Variants in CPAMD8 observed in about 807,000 individuals in gnomAD.
CPAMD8 encodes C3 and PZP-like alpha-2-macroglobulin domain-containing protein 8.
In CPAMD8, 146 loss-of-function variants were observed where a neutral mutation model predicts 224.7. That is an observed-to-expected ratio of 0.65 (90% CI 0.57 to 0.75). The LOEUF (loss-of-function observed/expected upper bound fraction) is 0.75, where lower values mean the gene tolerates loss of function less well. Ranked by LOEUF, CPAMD8 falls within the 30% of genes least tolerant of loss-of-function variation. CPAMD8 has a pLI of 0.00. For missense variants in CPAMD8, 2,301 were observed against 2,537.5 expected, an observed-to-expected ratio of 0.91 and a Z score of 2.00; for synonymous variants, 966 against 1,044.6, an observed-to-expected ratio of 0.92 and a Z score of 1.45.
chr19:16,973,253 G>A (rs1261200916), intron 17 of CPAMD8, among the ~76,000 whole-genome samples: 1 of 152,126 alleles, frequency 6.6e-6, no homozygotes, highest in Non-Finnish European at 1.5e-5. Context: ...CAGGCATGTG[G>A]GTATTTGTCT....
intron 14 of CPAMD8, among the ~76,000 whole-genome samples, chr19:16,977,885 C>A (rs988507448): frequency 6.6e-6 from 1 of 152,176 alleles, no homozygotes; most frequent in Non-Finnish European, 1.5e-5. Context: ...AGCACCACTG[C>A]AGCTCCCCAA....
intron 22 of CPAMD8, among the ~76,000 whole-genome samples, chr19:16,940,914 T>C (rs2053866559): frequency 1.3e-5 from 2 of 152,180 alleles, no homozygotes; most frequent in South Asian, 4.1e-4. Context: ...GGCTAGGCCA[T>C]TGTAACCCAC....
At chr19:16,996,617 G>A (rs1406087692) in intron 11 of CPAMD8, among the ~76,000 whole-genome samples, 3 of 151,758 alleles carry the variant, frequency 2.0e-5, no homozygotes, top group Admixed American at 6.6e-5. Context: ...CCAGGAGTTC[G>A]AGACCAGCCT....
At position 17,011,716 on chromosome 19, in the gene CPAMD8, C is replaced by A. The variant is rs1341893022; in HGVS notation, c.309G>T (p.Trp103Cys). The stretch of plus-strand genomic sequence containing the variant: ...CCTCCTCCGCCTGCCAGCCGCGGCC[C>A]CACACTTTCAGAAGCGCTTGGCCCC... ...GLRGQALLKV[W>C]GRGWQAEEGP... is the part of the protein sequence containing the mutation. The change falls in exon 4 of 42, where the codon TGG (tryptophan) becomes TGT (cysteine). Residue 103 changes from tryptophan to cysteine, a missense_variant. By Grantham distance (215) the Trp-to-Cys change is radical (BLOSUM62 -2). Around this residue, in one of 4 missense-constraint regions of CPAMD8, gnomAD observed 283 missense variants for 340.6 expected, o/e 0.83. Transcript: ENST00000443236. 6.2e-7 allele frequency: 1 copy of A among 1,614,054 alleles called. No individual in the cohort carries two copies. The highest frequency in any genetic ancestry group is 1.1e-5 in the South Asian group (1 of 91,072).
rs1476233383 is a variant in CPAMD8, at chr19:16,989,684, G to A, written c.1354C>T (p.Gln452Ter). ...LSLGSWYSPS[Q>*]CYLQLQPPSH... ...GGTGGCTGCAGCTGCAGGTAGCACT[G>A]GCTGGGGGAGTACCAGCTGCCGAGG... Residue 452 changes from glutamine (Q) to a stop codon, truncating the protein, a stop_gained, in exon 13 of 42, where the codon CAG (glutamine) becomes TAG (stop). Coordinates refer to ENST00000443236, the MANE Select transcript of CPAMD8 (RefSeq NM_015692.5). LOFTEE classifies it high-confidence loss of function. 1.2e-6 allele frequency: 2 copies of A among 1,613,928 alleles called. No individual in the cohort carries two copies. The highest frequency in any genetic ancestry group is 2.7e-5 in the African/African-American group (2 of 74,924).
chr19:16,974,954 C>T, intron 17 of CPAMD8, 143 bp downstream of exon 17: 1 of 1,121,852 alleles, frequency 8.9e-7, no homozygotes, highest in South Asian at 1.7e-5. Context: ...CAGCCTGGGC[C>T]ACAGAGCGAG....
Position 16,907,084 on chromosome 19 carries a change from A to C in CPAMD8, c.3895T>G (p.Phe1299Val), listed in dbSNP as rs1228938131. ...ERGSTDKARH[F>V]LESAAPLAMD... ...GCCAGGGGCGCAGCAGACTCCAGGA[A>C]GTGCCTCGCTTTGTCAGTGGAGCCT... is the stretch of plus-strand genomic sequence containing the variant. The change falls in exon 30 of 42, where the codon TTC becomes GTC. Residue 1299 changes from phenylalanine (F) to valine (V), a missense_variant. Around this residue, in one of 4 missense-constraint regions of CPAMD8, gnomAD observed 1,709 missense variants for 1,753.2 expected, o/e 0.97. Transcript: ENST00000443236. The C allele has an allele frequency of 6.3e-7, 1 of 1,584,422 alleles. No individual in the cohort carries two copies. Among genetic ancestry groups the C allele is most frequent in the Non-Finnish European group, 8.6e-7 (1 of 1,163,524 alleles).
At chr19:17,022,609 G>A (rs538668627) in intron 1 of CPAMD8, among the ~76,000 whole-genome samples, 12 of 151,456 alleles carry the variant, frequency 7.9e-5, no homozygotes, top group Admixed American at 1.3e-4. Context: ...AGGGATTCTC[G>A]TGCCTTAGCC....
At chr19:16,956,052 G>T (rs1230167140) in intron 19 of CPAMD8, among the ~76,000 whole-genome samples, 4 of 152,096 alleles carry the variant, frequency 2.6e-5, no homozygotes, top group African/African-American at 9.7e-5. Flanking sequence ...CCTGGTCTCA[G>T]ATCTGTCCCC....
In CPAMD8 at chr19:16,893,185, CAG is replaced by C; in HGVS notation, c.5579_5580del (p.Pro1860ArgfsTer63). 2 of 1,598,848 alleles carry C rather than the reference CAG, an allele frequency of 1.3e-6. No individual in the cohort carries two copies. Among genetic ancestry groups the C allele is most frequent in the Non-Finnish European group, 1.7e-6 (2 of 1,169,464 alleles). ...TGAAAGGCTGGGCTGTAGACGAAGA[CAG>C]GGCTCAGAAGCCCTGGCCTGTGGGC... is the stretch of plus-strand genomic sequence containing the variant. ...VGAHRPGLLS[P>X]VFVYSPAFQS... On this transcript the variant is annotated frameshift_variant, in exon 42 of 42. Transcript: ENST00000443236. LOFTEE classifies it low-confidence loss of function (END_TRUNC).
chr19:16,917,413 T>C (rs532098211), intron 27 of CPAMD8, among the ~76,000 whole-genome samples: 3 of 152,196 alleles, frequency 2.0e-5, no homozygotes, highest in Non-Finnish European at 4.4e-5. Flanking sequence ...AACTCTGTTC[T>C]ATTTACTCAA....
In CPAMD8 at chr19:17,026,779, G is replaced by T; in HGVS notation, c.-137C>A. The T allele has an allele frequency of 1.8e-6, 2 of 1,139,142 alleles. No homozygotes were observed. Among genetic ancestry groups the T allele is most frequent in the African/African-American group, 1.6e-5 (1 of 60,902 alleles). 70.6% of individuals were successfully genotyped at this position (1,139,142 alleles called of 1,614,324 possible). Reference sequence around the variant, plus strand: ...GCAGCCCCCGCGCAGTGCGCCCGGCGCCATGCGCCCCGCTCCGCGCCCGGC... The same window carrying T: ...GCAGCCCCCGCGCAGTGCGCCCGGCTCCATGCGCCCCGCTCCGCGCCCGGC... On this transcript the variant is annotated 5_prime_UTR_variant, in exon 1 of 42. Coordinates refer to ENST00000443236, the MANE Select transcript of CPAMD8 (RefSeq NM_015692.5).
intron 23 of CPAMD8, among the ~76,000 whole-genome samples, chr19:16,930,005 A>T (rs896666582): frequency 6.6e-6 from 1 of 152,184 alleles, no homozygotes; most frequent in African/African-American, 2.4e-5. Flanking sequence ...TAAAGAACCC[A>T]GCACTCTGGG....
chr19:16,975,686 C>T (rs138220703), intron 16 of CPAMD8, among the ~76,000 whole-genome samples: 2 of 152,162 alleles, frequency 1.3e-5, no homozygotes, highest in African/African-American at 2.4e-5. Flanking sequence ...CCAGCCCAGG[C>T]AACAGAGCAA....
chr19:16,989,874 G>A, intron 12 of CPAMD8, 103 bp from the exon 13 acceptor site: 2 of 1,095,574 alleles, frequency 1.8e-6, no homozygotes, highest in Non-Finnish European at 1.4e-6. Flanking sequence ...ACCCTCTCAT[G>A]CTCCAATATC....
chr19:16,904,461 A>C lies in CPAMD8; in HGVS notation c.4114+5T>G. The stretch of plus-strand genomic sequence containing the variant: ...CAGGCACCCGGGAGCTGGGGTGGCC[A>C]GTACCTGACTGAGAGACCCTGTCAC... On this transcript the variant is annotated splice_donor_5th_base_variant and intron_variant, in intron 31 of 41. Transcript: ENST00000443236. 1 of 1,613,908 alleles carries C rather than the reference A, an allele frequency of 6.2e-7. No individual in the cohort carries two copies. The highest frequency in any genetic ancestry group is 8.5e-7 in the Non-Finnish European group (1 of 1,179,766).
intron 41 of CPAMD8, chr19:16,895,844 G>A: frequency 2.0e-6 from 1 of 502,860 alleles, no homozygotes; most frequent in East Asian, 5.1e-5. Flanking sequence ...AAACACTGCT[G>A]GTCCCCCCAG....
chr19:16,894,618 T>A (rs1035914865), intron 41 of CPAMD8: 6 of 374,616 alleles, frequency 1.6e-5, no homozygotes. Flanking sequence ...CAACTCTGCC[T>A]CCTTTCCCCT....
In CPAMD8 at chr19:16,904,533, G is replaced by C; in HGVS notation, c.4047C>G (p.Ser1349Arg). Residue 1349 changes from serine to arginine, a missense_variant, in exon 31 of 42, where the codon AGC becomes AGG. Physicochemically the swap from Ser to Arg is moderately radical, Grantham distance 110. Coordinates refer to ENST00000443236, the MANE Select transcript of CPAMD8 (RefSeq NM_015692.5). Reference protein sequence around the residue: ...AIMRDGVTHWSLSNSWDVDKG... With the variant: ...AIMRDGVTHWRLSNSWDVDKG... The stretch of plus-strand genomic sequence containing the variant: ...TGTCCACGTCCCAGGAATTTGACAG[G>C]CTCCAGTGGGTGACCCCATCTGCAA... 1.9e-6 allele frequency: 3 copies of C among 1,613,596 alleles called. No individual in the cohort carries two copies. Among genetic ancestry groups the C allele is most frequent in the Non-Finnish European group, 2.5e-6 (3 of 1,179,488 alleles).
Sources: gnomAD v4.1 joint callset for allele counts (sites outside exome capture counted in the v4.1 genomes callset) on GRCh38, gnomAD v4.1.1 for gene constraint, gnomAD v4.1.1 regional missense constraint, MANE v1.5 for transcripts, NCBI Gene and HGNC (gene_info 2026-07-23, HGNC 2026-07-21) for gene names.